Variants in RBMS3 observed in about 807,000 individuals in gnomAD.
RBMS3 encodes the protein RNA binding motif single stranded interacting protein 3.
In RBMS3, 27 loss-of-function variants were observed where a neutral mutation model predicts 66.8. The ratio of observed to expected loss-of-function variants is 0.40; its 90% confidence interval spans 0.30 to 0.56. The LOEUF (loss-of-function observed/expected upper bound fraction) is 0.56, where lower values mean the gene tolerates loss of function less well. Ranked by LOEUF, RBMS3 falls within the 20% of genes least tolerant of loss-of-function variation. The pLI, the probability that RBMS3 is intolerant of heterozygous loss-of-function variation, is 0.40. For missense variants in RBMS3, 513 were observed against 549.5 expected, an observed-to-expected ratio of 0.93 and a Z score of 0.66; for synonymous variants, 188 against 183.0, an observed-to-expected ratio of 1.03 and a Z score of -0.22.
chr3:29,586,322 A>G (rs191979175), intron 3 of RBMS3, among the ~76,000 whole-genome samples: 65 of 152,216 alleles, frequency 4.3e-4, no homozygotes, highest in African/African-American at 3.4e-4. Flanking sequence ...CCGTTTTACT[A>G]TTTCTTTGCT....
At chr3:29,305,407 G>T (rs2033940171) in intron 1 of RBMS3, among the ~76,000 whole-genome samples, 1 of 151,824 alleles carries the variant, frequency 6.6e-6, no homozygotes, top group Non-Finnish European at 1.5e-5. Context: ...TGAGAACAAT[G>T]GCTTGTTCTC....
At chr3:29,339,405 G>C (rs1365777793) in intron 1 of RBMS3, among the ~76,000 whole-genome samples, 1 of 152,052 alleles carries the variant, frequency 6.6e-6, no homozygotes, top group Non-Finnish European at 1.5e-5. Context: ...GCAGGTCCTC[G>C]CAGATGTGGA....
chr3:29,371,076 G>A (rs1235565182), intron 1 of RBMS3, among the ~76,000 whole-genome samples: 1 of 152,186 alleles, frequency 6.6e-6, no homozygotes, highest in Non-Finnish European at 1.5e-5. Context: ...GCAATGAGCT[G>A]GGTTAGAATT....
At position 29,349,976 on chromosome 3, in the gene RBMS3, A is replaced by G. The variant is rs62241728; in HGVS notation, c.75+68220A>G. ...GGAGTTCGAGACCAGCCTGACCAAA[A>G]TGGAGAAAACCCCATCTCTACTAAA... On this transcript the variant is annotated intron_variant, in intron 1 of 14. Coordinates refer to ENST00000383767, the MANE Select transcript of RBMS3 (RefSeq NM_001003793.3). Among the ~76,000 whole-genome samples the G allele has an allele frequency of 2.0e-3, 301 of 152,174 alleles. 3 individuals are homozygous for G. Among genetic ancestry groups the G allele is most frequent in the Non-Finnish European group, 2.7e-3 (183 of 67,996 alleles).
intron 1 of RBMS3, among the ~76,000 whole-genome samples, chr3:29,285,729 A>T (rs986737359): frequency 6.6e-6 from 1 of 152,170 alleles, no homozygotes; most frequent in Non-Finnish European, 1.5e-5. Context: ...ATATTCAACC[A>T]TCTGCAGCCA....
chr3:29,391,876 A>G (rs943595575), intron 1 of RBMS3, among the ~76,000 whole-genome samples: 6 of 152,228 alleles, frequency 3.9e-5, no homozygotes, highest in African/African-American at 1.2e-4. Flanking sequence ...CATGCAACCC[A>G]TTGACAATTA....
At chr3:29,999,728 A>G (rs1699487452) in intron 14 of RBMS3, among the ~76,000 whole-genome samples, 1 of 151,866 alleles carries the variant, frequency 6.6e-6, no homozygotes, top group African/African-American at 2.4e-5. Flanking sequence ...TGGACACAGG[A>G]AGGGGAACAT....
intron 1 of RBMS3, among the ~76,000 whole-genome samples, chr3:29,425,600 T>G (rs2040928396): frequency 6.6e-6 from 1 of 152,010 alleles, no homozygotes; most frequent in Non-Finnish European, 1.5e-5. Context: ...ATCATGTCAC[T>G]GCACTCCAGC....
chr3:29,506,355 A>T (rs894151947), intron 3 of RBMS3, among the ~76,000 whole-genome samples: 32 of 151,866 alleles, frequency 2.1e-4, no homozygotes, highest in Admixed American at 7.2e-4. Flanking sequence ...TTTGTCCTTC[A>T]TTCTGTTAAG....
Position 29,881,644 on chromosome 3 carries a change from A to G in RBMS3, c.745-2518A>G, listed in dbSNP as rs181071350. Among the ~76,000 whole-genome samples the G allele has an allele frequency of 2.8e-3, 431 of 152,294 alleles. 6 individuals are homozygous for G. The highest frequency in any genetic ancestry group is 9.6e-3 in the African/African-American group (400 of 41,560). On this transcript the variant is annotated intron_variant, in intron 7 of 14. Coordinates refer to ENST00000383767, the MANE Select transcript of RBMS3 (RefSeq NM_001003793.3). The stretch of plus-strand genomic sequence containing the variant: ...GTTTAAGATGAAGAAGGAGGTCAAC[A>G]TAGATTTTTTCCTTAACAAATGTGT...
intron 7 of RBMS3, among the ~76,000 whole-genome samples, chr3:29,882,535 A>G (rs2059760696): frequency 6.6e-6 from 1 of 152,030 alleles, no homozygotes; most frequent in Non-Finnish European, 1.5e-5. Flanking sequence ...GTTTCAATTT[A>G]TGTATGCTCC....
rs75260616 is a variant in RBMS3 at position 29,990,745 on chromosome 3, G to A, written c.1180-337G>A. Among the ~76,000 whole-genome samples the A allele has an allele frequency of 4.3e-3, 649 of 152,278 alleles. 4 individuals carry two copies. The highest frequency in any genetic ancestry group is 0.015 in the African/African-American group (609 of 41,548). On this transcript the variant is annotated intron_variant, in intron 13 of 14. Transcript: ENST00000383767. ...GCCAGGAAAATGTTTGGACATACAAGTTTGTATAGGAATCCTGAATGAGGA... is the reference window on the plus strand; with the variant it reads ...GCCAGGAAAATGTTTGGACATACAAATTTGTATAGGAATCCTGAATGAGGA...
intron 4 of RBMS3, among the ~76,000 whole-genome samples, chr3:29,599,454 T>A (rs1474277831): frequency 1.3e-5 from 2 of 151,384 alleles, no homozygotes; most frequent in Non-Finnish European, 2.9e-5. Context: ...AGTGGCGGTC[T>A]AACATAACAG....
At chr3:29,730,308 C>T (rs996745952) in intron 4 of RBMS3, among the ~76,000 whole-genome samples, 12 of 82,732 alleles carry the variant, frequency 1.5e-4, no homozygotes, top group South Asian at 3.7e-4. Flanking sequence ...GTGTTCTGGG[C>T]GGGGGGCGGG....
chr3:29,322,842 A>C (rs1367602589), intron 1 of RBMS3, among the ~76,000 whole-genome samples: 1 of 152,152 alleles, frequency 6.6e-6, no homozygotes, highest in East Asian at 1.9e-4. Context: ...AGCACCTCTT[A>C]GCCGTTCAAT....
chr3:29,479,806 C>T (rs1273483399), intron 2 of RBMS3, among the ~76,000 whole-genome samples: 1 of 151,920 alleles, frequency 6.6e-6, no homozygotes, highest in African/African-American at 2.4e-5. Flanking sequence ...GGAAATATTG[C>T]CTAAAAATCA....
intron 4 of RBMS3, among the ~76,000 whole-genome samples, chr3:29,666,947 T>C (rs951757472): frequency 6.6e-6 from 1 of 152,202 alleles, no homozygotes; most frequent in Non-Finnish European, 1.5e-5. Flanking sequence ...GTTCAAGGAT[T>C]ATCTTGCTAC....
rs548943864 is a variant in RBMS3 at position 29,462,725 on chromosome 3, G to T, written c.249-25716G>T. 2.0e-5 allele frequency among the ~76,000 whole-genome samples: 3 copies of T among 152,278 alleles called. No individual in the cohort carries two copies. In the South Asian group the frequency reaches 6.2e-4, roughly 32 times the overall value. ...TGTATATTCATAGATTGCTACCACA[G>T]CTGAGTTGTTGAGAATGATAACTCT... is the stretch of plus-strand genomic sequence containing the variant. On this transcript the variant is annotated intron_variant, in intron 2 of 14. Coordinates refer to ENST00000383767, the MANE Select transcript of RBMS3 (RefSeq NM_001003793.3).
At chr3:29,853,241 C>G (rs1454087056) in intron 6 of RBMS3, among the ~76,000 whole-genome samples, 2 of 152,024 alleles carry the variant, frequency 1.3e-5, no homozygotes, top group Non-Finnish European at 2.9e-5. Flanking sequence ...AAATAATCTG[C>G]ACAACCAACC....
Sources: gnomAD v4.1 joint callset for allele counts (sites outside exome capture counted in the v4.1 genomes callset) on GRCh38, gnomAD v4.1.1 for gene constraint, MANE v1.5 for transcripts, NCBI Gene and HGNC (gene_info 2026-07-23, HGNC 2026-07-21) for gene names.